Variants in CDKN2AIPNL observed in about 807,000 individuals in gnomAD.
The protein encoded by CDKN2AIPNL is XRN2 binding domain containing 1.
Under a neutral mutation model 12.9 loss-of-function variants are expected in CDKN2AIPNL, and 9 were observed. The observed-to-expected ratio is 0.70, with a 90% CI of 0.42 to 1.22. The LOEUF is 1.22. CDKN2AIPNL is among the 50% of genes most tolerant of loss of function. The pLI, the probability that CDKN2AIPNL is intolerant of heterozygous loss-of-function variation, is 0.00. For synonymous variants in CDKN2AIPNL, 53 were observed against 61.7 expected (o/e 0.86, Z 0.66); for missense variants, 143 against 153.6 (o/e 0.93, Z 0.37).
rs750722437 is a variant in CDKN2AIPNL, at chr5:134,409,996, A to G, written c.246T>C (p.Asn82=). 7 of 1,607,398 alleles carry G rather than the reference A, an allele frequency of 4.4e-6. No homozygotes were observed. In the Admixed American group the frequency reaches 1.2e-4, roughly 27 times the overall value. ...ANHLFLGCSY[N]KDLLDKVMEM... ...CCATCACCTTGTCTAAAAGGTCTTT[A>G]TTGTAACTGCACAATAAAAAGTAGT... is the stretch of plus-strand genomic sequence containing the variant. The change falls in exon 2 of 3, where the codon AAT becomes AAC. Residue 82 remains asparagine, a synonymous_variant. Transcript: ENST00000458198.
intron 2 of CDKN2AIPNL, among the ~76,000 whole-genome samples, chr5:134,403,633 C>G (rs1759059807): frequency 6.6e-6 from 1 of 152,082 alleles, no homozygotes; most frequent in Non-Finnish European, 1.5e-5. Context: ...AGTGCTTTTT[C>G]TTTTTATTTG....
At chr5:134,409,038 G>T (rs548781560) in intron 2 of CDKN2AIPNL, among the ~76,000 whole-genome samples, 1 of 152,208 alleles carries the variant, frequency 6.6e-6, no homozygotes, top group African/African-American at 2.4e-5. Context: ...GTTTCTAAGG[G>T]CAGACCTAAA....
chr5:134,406,318 A>G (rs999011273), intron 2 of CDKN2AIPNL, among the ~76,000 whole-genome samples: 6 of 152,150 alleles, frequency 3.9e-5, no homozygotes, highest in African/African-American at 1.4e-4. Context: ...ACTAAACTCT[A>G]ATTTTTTAGC....
At chr5:134,407,237 T>C (rs1165910773) in intron 2 of CDKN2AIPNL, among the ~76,000 whole-genome samples, 1 of 143,286 alleles carries the variant, frequency 7.0e-6, no homozygotes, top group African/African-American at 2.6e-5. Context: ...CTTTAGGATG[T>C]TTCAGAAAGA....
intron 2 of CDKN2AIPNL, among the ~76,000 whole-genome samples, chr5:134,404,546 T>C (rs1478213852): frequency 2.0e-5 from 3 of 152,142 alleles, no homozygotes. Context: ...CAGGCTGGTC[T>C]GGAACTCCTG....
intron 2 of CDKN2AIPNL, among the ~76,000 whole-genome samples, chr5:134,406,185 T>G (rs1759101785): frequency 6.6e-6 from 1 of 152,250 alleles, no homozygotes; most frequent in East Asian, 1.9e-4. Context: ...AGCTGCAGAA[T>G]AGCCATAAAG....
chr5:134,408,217 G>C (rs1413354632), intron 2 of CDKN2AIPNL, among the ~76,000 whole-genome samples: 2 of 152,106 alleles, frequency 1.3e-5, no homozygotes, highest in African/African-American at 4.8e-5. Flanking sequence ...CCAGTAGCCA[G>C]AAACTATCTA....
intron 2 of CDKN2AIPNL, among the ~76,000 whole-genome samples, chr5:134,405,781 C>T (rs1367791625): frequency 6.6e-6 from 1 of 152,162 alleles, no homozygotes; most frequent in Non-Finnish European, 1.5e-5. Context: ...AAAAAATGGA[C>T]CACGTAAATT....
intron 2 of CDKN2AIPNL, among the ~76,000 whole-genome samples, chr5:134,403,398 G>A (rs1759057131): frequency 6.6e-6 from 1 of 152,200 alleles, no homozygotes; most frequent in Admixed American, 6.5e-5. Flanking sequence ...TCAAATAGTG[G>A]TGAAATGAAG....
At position 134,411,857 on chromosome 5, in the gene CDKN2AIPNL, T is replaced by TG. The variant is rs1424889109; in HGVS notation, c.-4dup. 1.9e-6 allele frequency: 3 copies of TG among 1,559,794 alleles called. No homozygotes were observed. The African/African-American group carries it at 4.1e-5, about 21-fold the overall frequency. ...GCAGCCGCCTCGCCACCGACCATGGTGCCCGCCGCAGCCGAGGACCGGATA... is the reference window on the plus strand; with the variant it reads ...GCAGCCGCCTCGCCACCGACCATGGTGGCCCGCCGCAGCCGAGGACCGGATA... On this transcript the variant is annotated 5_prime_UTR_variant, in exon 1 of 3. Coordinates refer to ENST00000458198, the MANE Select transcript of CDKN2AIPNL (RefSeq NM_080656.3).
rs952144186 is a variant in CDKN2AIPNL at position 134,411,843 on chromosome 5, G to A, written c.12C>T (p.Gly4=). 1.0e-5 allele frequency: 16 copies of A among 1,566,108 alleles called. No individual in the cohort carries two copies. Among genetic ancestry groups the A allele is most frequent in the Non-Finnish European group, 1.3e-5 (15 of 1,156,534 alleles). Residue 4 remains glycine, a synonymous_variant, in exon 1 of 3, where the codon GGC becomes GGT. Coordinates refer to ENST00000458198, the MANE Select transcript of CDKN2AIPNL (RefSeq NM_080656.3). ...GCTCCTCCACTGCGGCAGCCGCCTC[G>A]CCACCGACCATGGTGCCCGCCGCAG... MVG[G]EAAAAVEELV... is the part of the protein sequence containing the mutation.
intron 2 of CDKN2AIPNL, among the ~76,000 whole-genome samples, chr5:134,406,140 G>T (rs141890680): frequency 6.6e-6 from 1 of 152,180 alleles, no homozygotes; most frequent in African/African-American, 2.4e-5. Flanking sequence ...CTTAAAAAAA[G>T]AGCTGGACAG....
At chr5:134,410,180 G>C (rs1204713906) in intron 1 of CDKN2AIPNL, among the ~76,000 whole-genome samples, 178 bp from the exon 2 acceptor site, 1 of 152,184 alleles carries the variant, frequency 6.6e-6, no homozygotes, top group Non-Finnish European at 1.5e-5. Context: ...CTGTCCCCCA[G>C]GTTGGAGTGC....
chr5:134,404,109 C>T (rs529362145), intron 2 of CDKN2AIPNL, among the ~76,000 whole-genome samples: 5 of 152,282 alleles, frequency 3.3e-5, no homozygotes, highest in Non-Finnish European at 7.3e-5. Flanking sequence ...GTACAGCTGC[C>T]GCCGGTTTGG....
intron 2 of CDKN2AIPNL, among the ~76,000 whole-genome samples, chr5:134,404,131 T>A (rs1561687220): frequency 6.6e-6 from 1 of 152,202 alleles, no homozygotes; most frequent in African/African-American, 2.4e-5. Context: ...CTGCTGTGTA[T>A]ACCATCTTTT....
intron 2 of CDKN2AIPNL, among the ~76,000 whole-genome samples, chr5:134,405,916 C>G (rs1759097066): frequency 6.6e-6 from 1 of 152,178 alleles, no homozygotes; most frequent in South Asian, 2.1e-4. Flanking sequence ...TTTCCTGAGT[C>G]AGCTGCTGCT....
In CDKN2AIPNL at chr5:134,402,618, A is replaced by G. The variant is rs1186053789; in HGVS notation, c.*297T>C. ...TGGGCGACAGAGTGAGACCTTGTCG[A>G]TAAGAAAAAAAAAAACCTGAAAACA... On this transcript the variant is annotated 3_prime_UTR_variant, in exon 3 of 3. Coordinates refer to ENST00000458198, the MANE Select transcript of CDKN2AIPNL (RefSeq NM_080656.3). 2 of 276,472 alleles carry G rather than the reference A, an allele frequency of 7.2e-6. No individual in the cohort carries two copies. Among genetic ancestry groups the G allele is most frequent in the Non-Finnish European group, 1.3e-5 (2 of 148,860 alleles). The allele number at this position is 276,472 out of a possible 1,614,324, so 17.1% of individuals were successfully genotyped here.
intron 2 of CDKN2AIPNL, among the ~76,000 whole-genome samples, chr5:134,405,351 C>A (rs1467047573): frequency 1.3e-5 from 2 of 149,892 alleles, no homozygotes; most frequent in Non-Finnish European, 3.0e-5. Context: ...GTGATCCGCC[C>A]GCCTCGGCCT....
intron 2 of CDKN2AIPNL, among the ~76,000 whole-genome samples, chr5:134,407,256 A>AACACACACAC (rs5871539): frequency 0.02 from 2,743 of 139,658 alleles, 40 homozygotes; most frequent in African/African-American, 0.038. Context: ...GACCCTTCCT[A>AACACACACAC]ACACACACAC....
Sources: allele counts gnomAD v4.1 joint callset (sites outside exome capture counted in the v4.1 genomes callset), GRCh38; gene constraint gnomAD v4.1.1; transcripts MANE v1.5; gene names NCBI Gene and HGNC (gene_info 2026-07-23, HGNC 2026-07-21).